CADM1: variants seen among roughly 807,000 people sequenced by gnomAD.
CADM1 encodes cell adhesion molecule 1, also known as TSLC-1.
In CADM1, 15 loss-of-function variants were observed where a neutral mutation model predicts 53.1. The ratio of observed to expected loss-of-function variants is 0.28; its 90% CI spans 0.19 to 0.44. The LOEUF (loss-of-function observed/expected upper bound fraction) is 0.44, where lower values mean the gene tolerates loss of function less well. Among genes scored for constraint, CADM1 ranks in the 20% least tolerant of loss-of-function variants. The pLI, the probability that CADM1 is intolerant of heterozygous loss-of-function variation, is 1.00. For missense variants in CADM1, 434 were observed against 611.3 expected, an observed-to-expected ratio of 0.71 and a Z score of 3.06; for synonymous variants, 281 against 243.0, an observed-to-expected ratio of 1.16 and a Z score of -1.45.
intron 1 of CADM1, among the ~76,000 whole-genome samples, chr11:115,443,973 C>A (rs1948389637): frequency 6.6e-6 from 1 of 152,114 alleles, no homozygotes; most frequent in Non-Finnish European, 1.5e-5. Context: ...TTTGTGTGTC[C>A]TATATTTCTA....
chr11:115,186,916 C>T (rs1049478108), intron 10 of CADM1, among the ~76,000 whole-genome samples: 1 of 152,182 alleles, frequency 6.6e-6, no homozygotes, highest in Non-Finnish European at 1.5e-5. Flanking sequence ...GGCCCTGGCT[C>T]CTGGACGCCA....
intron 1 of CADM1, among the ~76,000 whole-genome samples, chr11:115,347,274 C>A (rs1327926716): frequency 6.6e-6 from 1 of 152,110 alleles, no homozygotes; most frequent in Non-Finnish European, 1.5e-5. Flanking sequence ...TCTTGGCATA[C>A]GTCTGACTCC....
At chr11:115,428,878 G>T (rs1370177471) in intron 1 of CADM1, among the ~76,000 whole-genome samples, 1 of 152,136 alleles carries the variant, frequency 6.6e-6, no homozygotes, top group Admixed American at 6.6e-5. Flanking sequence ...GCAATAAAAA[G>T]GTTACTGCCT....
chr11:115,191,071 G>C lies in CADM1; in HGVS notation c.1112-130C>G, dbSNP rs544733414. On this transcript the variant is annotated intron_variant, in intron 9 of 11. Coordinates refer to ENST00000331581, the MANE Select transcript of CADM1 (RefSeq NM_001301043.2). ...TTGCTATCTATGTTTTTGATAGCAT[G>C]AATGTATTAATCCATAAGTACATTT... 9.6e-6 allele frequency: 7 copies of C among 725,610 alleles called. No individual in the cohort carries two copies. The African/African-American group carries it at 1.1e-4, about 11-fold the overall frequency. 44.9% of individuals were successfully genotyped at this position (725,610 alleles called of 1,614,324 possible).
intron 1 of CADM1, among the ~76,000 whole-genome samples, chr11:115,301,997 G>A (rs1944235221): frequency 6.6e-6 from 1 of 151,924 alleles, no homozygotes; most frequent in Non-Finnish European, 1.5e-5. Context: ...AAATATATAT[G>A]TACATGTAAA....
intron 1 of CADM1, among the ~76,000 whole-genome samples, chr11:115,288,897 A>T (rs1016908789): frequency 2.0e-5 from 3 of 152,176 alleles, no homozygotes; most frequent in Non-Finnish European, 2.9e-5. Flanking sequence ...CTGGAGGCAG[A>T]TGACTCAGGT....
In CADM1 at chr11:115,214,550, C is replaced by T. The variant is rs1215287043; in HGVS notation, c.994+58G>A. On this transcript the variant is annotated intron_variant, in intron 7 of 11. Coordinates refer to ENST00000331581, the MANE Select transcript of CADM1 (RefSeq NM_001301043.2). ...GACCAAAAGCTTTGAGAGTAAATCA[C>T]AAGTAGCAGCTCCATGTGACTGACT... 2.6e-6 allele frequency: 4 copies of T among 1,511,718 alleles called. No homozygotes were observed. In the African/African-American group the frequency reaches 5.5e-5, roughly 21 times the overall value. 93.6% of individuals were successfully genotyped at this position (1,511,718 alleles called of 1,614,324 possible).
intron 10 of CADM1, chr11:115,179,117 G>A (rs1479293799): frequency 5.7e-6 from 2 of 352,534 alleles, no homozygotes; most frequent in Non-Finnish European, 1.1e-5. Flanking sequence ...TAATTAAGGG[G>A]GCTGACCTGA....
At chr11:115,328,681 T>TATATATATGTATATAC (rs1565367830) in intron 1 of CADM1, among the ~76,000 whole-genome samples, 11 of 44,266 alleles carry the variant, frequency 2.5e-4, no homozygotes, top group South Asian at 1.0e-3. Context: ...TATATATGTG[T>TATATATATGTATATAC]ATATATATGT....
intron 1 of CADM1, among the ~76,000 whole-genome samples, chr11:115,423,379 G>A (rs550383434): frequency 4.9e-4 from 75 of 152,158 alleles, no homozygotes; most frequent in African/African-American, 1.7e-3. Flanking sequence ...TAAAACACCC[G>A]TTACTTAACA....
At position 115,229,715 on chromosome 11, in the gene CADM1, C is replaced by T. The variant is rs187603600; in HGVS notation, c.563-444G>A. ...CCATTTAGAAATTCTAGGATATTAT[C>T]CAAATCCCCTAAGTAATTCAACAAG... is the stretch of plus-strand genomic sequence containing the variant. On this transcript the variant is annotated intron_variant, in intron 4 of 11. Coordinates refer to ENST00000331581, the MANE Select transcript of CADM1 (RefSeq NM_001301043.2). 1.6e-4 allele frequency among the ~76,000 whole-genome samples: 25 copies of T among 152,174 alleles called. 1 individual carries two copies. Among genetic ancestry groups the T allele is most frequent in the Non-Finnish European group, 2.8e-4 (19 of 68,026 alleles).
At chr11:115,341,575 T>C (rs191349742) in intron 1 of CADM1, among the ~76,000 whole-genome samples, 1 of 152,202 alleles carries the variant, frequency 6.6e-6, no homozygotes, top group African/African-American at 2.4e-5. Flanking sequence ...AAAGAAGCAC[T>C]GTGTTTTTGC....
intron 2 of CADM1, 86 bp downstream of exon 2, chr11:115,240,188 A>G: frequency 7.9e-7 from 1 of 1,264,490 alleles, no homozygotes; most frequent in Non-Finnish European, 1.1e-6. Flanking sequence ...CATTAAATTT[A>G]AAAAAGGTGG....
chr11:115,233,148 T>C (rs200990444), intron 3 of CADM1, among the ~76,000 whole-genome samples: 64 of 152,110 alleles, frequency 4.2e-4, no homozygotes, highest in Non-Finnish European at 5.0e-4. Context: ...GTGGTGGTGG[T>C]GGCGGGGGGT....
At chr11:115,383,665 C>T (rs2135160745) in intron 1 of CADM1, among the ~76,000 whole-genome samples, 1 of 152,234 alleles carries the variant, frequency 6.6e-6, no homozygotes, top group East Asian at 1.9e-4. Flanking sequence ...TCTTTTCCCC[C>T]CATGACTTGC....
chr11:115,248,373 C>T (rs1328167617), intron 1 of CADM1, among the ~76,000 whole-genome samples: 1 of 152,178 alleles, frequency 6.6e-6, no homozygotes, highest in Non-Finnish European at 1.5e-5. Context: ...AATCAGGGCC[C>T]ACATCACTAA....
At chr11:115,423,287 T>C (rs896214144) in intron 1 of CADM1, among the ~76,000 whole-genome samples, 1 of 152,134 alleles carries the variant, frequency 6.6e-6, no homozygotes. Flanking sequence ...GTTATTTGAG[T>C]TTCCCCCCTC....
chr11:115,338,999 C>T (rs1241843451), intron 1 of CADM1, among the ~76,000 whole-genome samples: 1 of 143,776 alleles, frequency 7.0e-6, no homozygotes, highest in African/African-American at 2.6e-5. Context: ...CACCCACTAA[C>T]GTGTCATCTA....
At chr11:115,495,310 A>T (rs1949585805) in intron 1 of CADM1, among the ~76,000 whole-genome samples, 1 of 152,208 alleles carries the variant, frequency 6.6e-6, no homozygotes, top group African/African-American at 2.4e-5. Context: ...GAGCCAAATA[A>T]ATATATACCA....
Sources: allele counts gnomAD v4.1 joint callset (sites outside exome capture counted in the v4.1 genomes callset), GRCh38; gene constraint gnomAD v4.1.1; transcripts MANE v1.5; gene names NCBI Gene and HGNC (gene_info 2026-07-23, HGNC 2026-07-21).